ADAMTS12: variants seen among roughly 807,000 people sequenced by gnomAD.
The protein encoded by ADAMTS12 is A disintegrin and metalloproteinase with thrombospondin motifs 12.
ADAMTS12 carries 118 observed loss-of-function variants against 167.8 expected under a neutral mutation model. The observed-to-expected ratio is 0.70, with a 90% CI of 0.61 to 0.82. The LOEUF is 0.82. ADAMTS12 is among the 40% of genes least tolerant of loss of function. ADAMTS12 has a pLI of 0.00. For synonymous variants in ADAMTS12, 704 were observed against 716.9 expected (o/e 0.98, Z 0.29); for missense variants, 1,916 against 1,998.8 (o/e 0.96, Z 0.79).
intron 2 of ADAMTS12, among the ~76,000 whole-genome samples, chr5:33,875,583 G>A (rs894269321): frequency 1.3e-5 from 2 of 152,142 alleles, no homozygotes; most frequent in African/African-American, 4.8e-5. Flanking sequence ...ATCAACTGAT[G>A]CAGGAAAAGC....
At chr5:33,846,940 A>C (rs1036406497) in intron 2 of ADAMTS12, among the ~76,000 whole-genome samples, 2 of 152,190 alleles carry the variant, frequency 1.3e-5, no homozygotes, top group Non-Finnish European at 2.9e-5. Context: ...CTTCTGATGT[A>C]CTAGATTAAC....
chr5:33,883,314 TG>T (rs1407244086), intron 1 of ADAMTS12, among the ~76,000 whole-genome samples: 42 of 145,306 alleles, frequency 2.9e-4, no homozygotes, highest in African/African-American at 9.8e-4. Flanking sequence ...TTTGTTTGTT[TG>T]GTTTTTTTTT....
At chr5:33,535,911 C>G (rs1744378925) in intron 22 of ADAMTS12, among the ~76,000 whole-genome samples, 1 of 151,976 alleles carries the variant, frequency 6.6e-6, no homozygotes, top group Non-Finnish European at 1.5e-5. Flanking sequence ...AACAGCGGAC[C>G]CAGCTCTGTG....
intron 2 of ADAMTS12, among the ~76,000 whole-genome samples, chr5:33,785,441 G>A (rs191155353): frequency 7.9e-4 from 121 of 152,226 alleles, no homozygotes; most frequent in Middle Eastern, 3.4e-3. Flanking sequence ...TGCATTCAGA[G>A]TGTGTGTACA....
At chr5:33,724,308 G>A (rs1276744932) in intron 3 of ADAMTS12, among the ~76,000 whole-genome samples, 1 of 152,132 alleles carries the variant, frequency 6.6e-6, no homozygotes, top group African/African-American at 2.4e-5. Context: ...GAGGGGCAGG[G>A]ACCCCACACA....
intron 2 of ADAMTS12, among the ~76,000 whole-genome samples, chr5:33,872,553 A>T (rs1750078215): frequency 6.6e-6 from 1 of 151,950 alleles, no homozygotes; most frequent in Non-Finnish European, 1.5e-5. Flanking sequence ...TCTGAAAAAA[A>T]AAAAAGAAAG....
chr5:33,632,773 T>C (rs942977269), intron 12 of ADAMTS12, among the ~76,000 whole-genome samples: 2 of 152,292 alleles, frequency 1.3e-5, no homozygotes, highest in African/African-American at 4.8e-5. Context: ...GAATTGGATT[T>C]GGGATTTTGT....
intron 2 of ADAMTS12, among the ~76,000 whole-genome samples, chr5:33,854,297 G>A (rs565638695): frequency 6.6e-6 from 1 of 152,276 alleles, no homozygotes; most frequent in Non-Finnish European, 1.5e-5. Context: ...AAAAAGAACA[G>A]AAATATTAAT....
chr5:33,613,969 G>A (rs751193761), intron 16 of ADAMTS12, among the ~76,000 whole-genome samples: 9 of 152,252 alleles, frequency 5.9e-5, no homozygotes, highest in Middle Eastern at 3.4e-3. Context: ...TGTTTGACAC[G>A]TAATGAAACA....
At chr5:33,553,171 T>C (rs970830078) in intron 20 of ADAMTS12, among the ~76,000 whole-genome samples, 1 of 152,202 alleles carries the variant, frequency 6.6e-6, no homozygotes, top group Non-Finnish European at 1.5e-5. Context: ...TGAGATACCA[T>C]TTCACATCTG....
At chr5:33,692,336 A>C (rs2112279170) in intron 3 of ADAMTS12, among the ~76,000 whole-genome samples, 1 of 152,332 alleles carries the variant, frequency 6.6e-6, no homozygotes, top group South Asian at 2.1e-4. Flanking sequence ...AAGAAGATGG[A>C]ATAATATAGA....
chr5:33,808,115 G>A (rs1747309162), intron 2 of ADAMTS12, among the ~76,000 whole-genome samples: 2 of 152,194 alleles, frequency 1.3e-5, no homozygotes, highest in African/African-American at 2.4e-5. Flanking sequence ...GGAAGGGAAA[G>A]CACGAGCCGC....
chr5:33,674,775 T>C (rs1741840251), intron 5 of ADAMTS12, among the ~76,000 whole-genome samples: 1 of 152,162 alleles, frequency 6.6e-6, no homozygotes, highest in Non-Finnish European at 1.5e-5. Context: ...TCTGCCAGCA[T>C]TTCATTCATA....
At chr5:33,600,274 T>C (rs534735855) in intron 16 of ADAMTS12, among the ~76,000 whole-genome samples, 1 of 133,738 alleles carries the variant, frequency 7.5e-6, no homozygotes, top group African/African-American at 2.8e-5. Flanking sequence ...ATACTAGCAA[T>C]GAAAAGTCAA....
At chr5:33,803,691 G>C (rs1454835531) in intron 2 of ADAMTS12, among the ~76,000 whole-genome samples, 3 of 152,132 alleles carry the variant, frequency 2.0e-5, no homozygotes, top group African/African-American at 7.2e-5. Flanking sequence ...ACATGGCTGG[G>C]GAGGCCTCAC....
At chr5:33,560,976 C>T in intron 20 of ADAMTS12, 51 bp downstream of exon 20, 7 of 1,595,610 alleles carry the variant, frequency 4.4e-6, no homozygotes, top group Middle Eastern at 1.7e-4. Flanking sequence ...CCCTTTCCAA[C>T]CCATCCCCAC....
intron 7 of ADAMTS12, among the ~76,000 whole-genome samples, chr5:33,654,284 C>A (rs905107730): frequency 6.6e-6 from 1 of 152,180 alleles, no homozygotes; most frequent in Non-Finnish European, 1.5e-5. Flanking sequence ...ATTCTAAAAT[C>A]TGTCATCTCT....
chr5:33,702,378 A>G (rs911786207), intron 3 of ADAMTS12, among the ~76,000 whole-genome samples: 5 of 152,164 alleles, frequency 3.3e-5, no homozygotes, highest in African/African-American at 2.4e-5. Flanking sequence ...TGTCTTCCCA[A>G]TCATCAAAGG....
chr5:33,632,700 G>A (rs755999566), intron 12 of ADAMTS12, among the ~76,000 whole-genome samples: 2 of 152,198 alleles, frequency 1.3e-5, no homozygotes, highest in Non-Finnish European at 2.9e-5. Context: ...TCCTAAGGAT[G>A]AGAACATCAA....
Sources: gnomAD v4.1 joint callset for allele counts (sites outside exome capture counted in the v4.1 genomes callset) on GRCh38, gnomAD v4.1.1 for gene constraint, MANE v1.5 for transcripts, NCBI Gene and HGNC (gene_info 2026-07-23, HGNC 2026-07-21) for gene names.